NXPH1: variants seen among roughly 807,000 people sequenced by gnomAD.
NXPH1 encodes the protein neurexophilin 1, also known as neurexophilin-1.
A neutral mutation model predicts 23.7 loss-of-function variants in NXPH1; 5 were observed. The ratio of observed to expected loss-of-function variants is 0.21; its 90% CI spans 0.11 to 0.44. The LOEUF (loss-of-function observed/expected upper bound fraction) is 0.44, where lower values mean the gene tolerates loss of function less well. Among genes scored for constraint, NXPH1 ranks in the 20% least tolerant of loss-of-function variants. The probability of loss-of-function intolerance (pLI) is 0.99; values close to 1 mark genes in which losing one functional copy is unlikely to be tolerated. For synonymous variants in NXPH1, 144 were observed against 122.2 expected, an observed-to-expected ratio of 1.18 and a Z score of -1.18; for missense variants, 324 against 321.6, an observed-to-expected ratio of 1.01 and a Z score of -0.06.
At position 8,752,819 on chromosome 7, in the gene NXPH1, C is replaced by G. The variant is rs925037425; in HGVS notation, c.*1050C>G. ...CTGTGAAGGCCATTAAAAAGACAAA[C>G]TTAATGTACAGAGCATTTATTCAGA... On this transcript the variant is annotated 3_prime_UTR_variant, in exon 3 of 3. Coordinates refer to ENST00000405863, the MANE Select transcript of NXPH1 (RefSeq NM_152745.3). 1 of 152,422 alleles carries G rather than the reference C, an allele frequency of 6.6e-6. No homozygotes were observed. The highest frequency in any genetic ancestry group is 1.5e-5 in the Non-Finnish European group (1 of 68,002). The allele number at this position is 152,422 out of a possible 1,614,324, so 9.4% of individuals were successfully genotyped here.
rs560150708 is a variant in NXPH1 at position 8,735,764 on chromosome 7, T to C, written c.55-15244T>C. Among the ~76,000 whole-genome samples, 573 of 152,248 alleles carry C rather than the reference T, an allele frequency of 3.8e-3. 2 individuals are homozygous for C. Among genetic ancestry groups the C allele is most frequent in the African/African-American group, 0.013 (537 of 41,550 alleles). The stretch of plus-strand genomic sequence containing the variant: ...GAATGCTACTGTGAATTCATCTGGT[T>C]CTGGGCTTTTTTTGGTTGGTAGGCT... On this transcript the variant is annotated intron_variant, in intron 2 of 2. Coordinates refer to ENST00000405863, the MANE Select transcript of NXPH1 (RefSeq NM_152745.3).
intron 2 of NXPH1, among the ~76,000 whole-genome samples, chr7:8,504,468 A>G (rs1039329407): frequency 6.6e-6 from 1 of 152,046 alleles, no homozygotes; most frequent in Non-Finnish European, 1.5e-5. Flanking sequence ...CTTAGAAAAA[A>G]TGTAGAACAG....
intron 2 of NXPH1, among the ~76,000 whole-genome samples, chr7:8,559,748 T>C (rs1465625230): frequency 6.6e-6 from 1 of 151,702 alleles, no homozygotes; most frequent in Admixed American, 6.6e-5. Flanking sequence ...TCCTTCCAGA[T>C]AATGCTACAT....
intron 2 of NXPH1, among the ~76,000 whole-genome samples, chr7:8,668,367 T>G (rs959797996): frequency 1.3e-5 from 2 of 151,456 alleles, no homozygotes; most frequent in Non-Finnish European, 2.9e-5. Flanking sequence ...GGGAATACCC[T>G]TCAGCAATCA....
chr7:8,598,147 A>G (rs1434455381), intron 2 of NXPH1, among the ~76,000 whole-genome samples: 1 of 152,092 alleles, frequency 6.6e-6, no homozygotes, highest in Non-Finnish European at 1.5e-5. Flanking sequence ...CTTTATTGCT[A>G]TTCATATTGA....
intron 2 of NXPH1, among the ~76,000 whole-genome samples, chr7:8,653,622 T>C (rs899977092): frequency 1.3e-5 from 2 of 152,208 alleles, no homozygotes; most frequent in Admixed American, 1.3e-4. Context: ...AGAAGGATAG[T>C]CTATACCAAC....
rs140796630 is a variant in NXPH1 at position 8,465,029 on chromosome 7, C to G, written c.54+29262C>G. On this transcript the variant is annotated intron_variant, in intron 2 of 2. Coordinates refer to ENST00000405863, the MANE Select transcript of NXPH1 (RefSeq NM_152745.3). ...AATCCAGATGGGAGAGAAGGAGACA[C>G]GAAGACCTATTAAGAGGCGGATATA... Among the ~76,000 whole-genome samples the G allele has an allele frequency of 6.5e-3, 990 of 152,128 alleles. 10 individuals carry two copies. Among genetic ancestry groups the G allele is most frequent in the African/African-American group, 0.022 (896 of 41,492 alleles).
chr7:8,435,685 A>G lies in NXPH1; in HGVS notation c.-29A>G. 6.2e-7 allele frequency: 1 copy of G among 1,611,106 alleles called. No individual in the cohort carries two copies. The highest frequency in any genetic ancestry group is 8.5e-7 in the Non-Finnish European group (1 of 1,177,290). On this transcript the variant is annotated 5_prime_UTR_variant, in exon 2 of 3. Coordinates refer to ENST00000405863, the MANE Select transcript of NXPH1 (RefSeq NM_152745.3). The surrounding 1 kb of genome is among the most constrained non-coding windows in gnomAD (Gnocchi z 5.9). ...GAAGGAACAAAGACTCAAAGAAGGC[A>G]CCGCCAAGGAAGTTTGAGACGCGGG... is the stretch of plus-strand genomic sequence containing the variant.
chr7:8,482,213 C>T (rs1227655624), intron 2 of NXPH1, among the ~76,000 whole-genome samples: 1 of 152,190 alleles, frequency 6.6e-6, no homozygotes, highest in Admixed American at 6.5e-5. Flanking sequence ...TTTCCGTGAG[C>T]TTTGCTGGCT....
intron 2 of NXPH1, among the ~76,000 whole-genome samples, chr7:8,512,515 G>A (rs551928610): frequency 6.6e-6 from 1 of 152,078 alleles, no homozygotes; most frequent in Non-Finnish European, 1.5e-5. Flanking sequence ...GGATATTTGA[G>A]AGGGTGATTA....
chr7:8,609,112 G>A (rs563359546), intron 2 of NXPH1, among the ~76,000 whole-genome samples: 2 of 152,144 alleles, frequency 1.3e-5, no homozygotes, highest in South Asian at 4.2e-4. Context: ...CTTATTGTGT[G>A]CATAATTCAT....
chr7:8,666,135 T>G (rs1417534184), intron 2 of NXPH1, among the ~76,000 whole-genome samples: 1 of 151,952 alleles, frequency 6.6e-6, no homozygotes, highest in Non-Finnish European at 1.5e-5. Context: ...TGATCATAGA[T>G]AAAAGCTTTC....
rs57298280 is a variant in NXPH1, at chr7:8,662,170, T to TTATA, written c.55-88821_55-88818dup. Among the ~76,000 whole-genome samples the TTATA allele has an allele frequency of 5.1e-4, 43 of 83,726 alleles. 1 individual carries two copies. Among genetic ancestry groups the TTATA allele is most frequent in the African/African-American group, 1.3e-3 (36 of 26,920 alleles). 54.9% of individuals were successfully genotyped at this position (83,726 alleles called of 152,430 possible). On this transcript the variant is annotated intron_variant, in intron 2 of 2. Transcript: ENST00000405863. ...TATTTTTGAGACATGGCATATGATT[T>TTATA]TATATATATATATATATATACACAC...
At chr7:8,447,171 G>T (rs1462036805) in intron 2 of NXPH1, among the ~76,000 whole-genome samples, 1 of 152,202 alleles carries the variant, frequency 6.6e-6, no homozygotes, top group Non-Finnish European at 1.5e-5. Context: ...GTGATTTGTT[G>T]TTGGAACAGC....
At chr7:8,469,486 T>C (rs1816836369) in intron 2 of NXPH1, among the ~76,000 whole-genome samples, 2 of 152,092 alleles carry the variant, frequency 1.3e-5, no homozygotes, top group Non-Finnish European at 2.9e-5. Flanking sequence ...GTATATGTGC[T>C]CTCAGTTTCT....
At chr7:8,717,330 T>C (rs1465088663) in intron 2 of NXPH1, among the ~76,000 whole-genome samples, 1 of 152,174 alleles carries the variant, frequency 6.6e-6, no homozygotes, top group Non-Finnish European at 1.5e-5. Flanking sequence ...ACAAGAAGGA[T>C]TTATTATGTA....
At chr7:8,457,002 G>A (rs557567679) in intron 2 of NXPH1, among the ~76,000 whole-genome samples, 17 of 152,204 alleles carry the variant, frequency 1.1e-4, no homozygotes, top group Admixed American at 2.6e-4. Flanking sequence ...TGTCCCTGGC[G>A]TCTAGGACAA....
At chr7:8,685,368 G>C (rs189707042) in intron 2 of NXPH1, among the ~76,000 whole-genome samples, 41 of 150,540 alleles carry the variant, frequency 2.7e-4, no homozygotes, top group Admixed American at 1.5e-3. Context: ...TTATCTTTCT[G>C]TGCCTGGCTT....
intron 2 of NXPH1, among the ~76,000 whole-genome samples, chr7:8,556,995 G>A (rs553433038): frequency 2.6e-5 from 4 of 151,794 alleles, no homozygotes; most frequent in African/African-American, 9.6e-5. Flanking sequence ...AAGAGGCAAA[G>A]GCAGGATATG....
Sources: allele counts gnomAD v4.1 joint callset (sites outside exome capture counted in the v4.1 genomes callset), GRCh38; gene constraint gnomAD v4.1.1; non-coding constraint Gnocchi (gnomAD v3.1); transcripts MANE v1.5; gene names NCBI Gene and HGNC (gene_info 2026-07-23, HGNC 2026-07-21).